Variants in TMEM91 observed in about 807,000 individuals in gnomAD.
The protein encoded by TMEM91 is dispanin subfamily C member 3.
A neutral mutation model predicts 13.3 loss-of-function variants in TMEM91; 6 were observed. The observed-to-expected ratio is 0.45, with a 90% CI of 0.25 to 0.89. The LOEUF (loss-of-function observed/expected upper bound fraction) is 0.89, where lower values mean the gene tolerates loss of function less well. TMEM91 is among the 40% of genes least tolerant of loss of function. The pLI, the probability that TMEM91 is intolerant of heterozygous loss-of-function variation, is 0.19. For missense variants in TMEM91, 193 were observed against 228.7 expected (o/e 0.84, Z 1.01); for synonymous variants, 87 against 101.7 (o/e 0.86, Z 0.87).
chr19:41,367,115 TG>T (rs1478302573), intron 1 of TMEM91, among the ~76,000 whole-genome samples: 3 of 151,856 alleles, frequency 2.0e-5, no homozygotes, highest in Non-Finnish European at 2.9e-5. Flanking sequence ...CACTTCAGCC[TG>T]GGCGACAGAG....
intron 2 of TMEM91, among the ~76,000 whole-genome samples, chr19:41,379,451 T>C (rs2038818704): frequency 6.7e-6 from 1 of 150,186 alleles, no homozygotes; most frequent in Non-Finnish European, 1.5e-5. Context: ...GGAGGATCGC[T>C]TGAGCCCAGG....
At chr19:41,373,006 A>G (rs761123116), upstream of TMEM91, among the ~76,000 whole-genome samples, 1 of 151,960 alleles carries the variant, frequency 6.6e-6, no homozygotes. Flanking sequence ...TGGCACAATC[A>G]TGGCTCACTG....
At chr19:41,381,239 G>T (rs1397229434) in intron 2 of TMEM91, among the ~76,000 whole-genome samples, 1 of 151,946 alleles carries the variant, frequency 6.6e-6, no homozygotes, top group East Asian at 1.9e-4. Flanking sequence ...TGCTCAGGCT[G>T]GGGGGCAGAC....
intron 1 of TMEM91, among the ~76,000 whole-genome samples, chr19:41,364,325 C>A (rs1049688875): frequency 6.6e-6 from 1 of 152,190 alleles, no homozygotes; most frequent in Non-Finnish European, 1.5e-5. Flanking sequence ...TTGGGCGTGG[C>A]TAGGAAGCTG....
chr19:41,383,807 C>T lies in TMEM91; in HGVS notation c.453C>T (p.Gly151=), dbSNP rs565098119. 1.9e-5 allele frequency: 30 copies of T among 1,611,454 alleles called. No homozygotes were observed. In the East Asian group the frequency reaches 4.3e-4, roughly 23 times the overall value. Residue 151 remains glycine, a synonymous_variant, in exon 4 of 4, where the codon GGC becomes GGT. Coordinates refer to ENST00000392002, the MANE Select transcript of TMEM91 (RefSeq NM_001098821.2). The stretch of plus-strand genomic sequence containing the variant: ...TGGGGGTCCTCGCCGTCGGGCTGGG[C>T]GTGTGCACGTATGCGGCTGCCCTGG... ...FLLGVLAVGL[G]VCTYAAALVT...
At chr19:41,377,646 G>A (rs1288405201) in intron 1 of TMEM91, among the ~76,000 whole-genome samples, 1 of 151,942 alleles carries the variant, frequency 6.6e-6, no homozygotes, top group Non-Finnish European at 1.5e-5. Context: ...AAGTGTGTAA[G>A]GCATGGTGCA....
At chr19:41,364,888 G>C (rs1168292851) in intron 1 of TMEM91, among the ~76,000 whole-genome samples, 1 of 151,370 alleles carries the variant, frequency 6.6e-6, no homozygotes, top group Non-Finnish European at 1.5e-5. Context: ...TCCCATCAAG[G>C]CTCCTTAAAA....
chr19:41,378,655 T>C, intron 2 of TMEM91, 136 bp downstream of exon 2: 1 of 839,454 alleles, frequency 1.2e-6, no homozygotes, highest in Non-Finnish European at 1.8e-6. Context: ...GTGTGTGGGC[T>C]TCTGAGATTT....
At chr19:41,380,742 CTACTAAAGAAA>C (rs904352965) in intron 2 of TMEM91, among the ~76,000 whole-genome samples, 26 of 152,018 alleles carry the variant, frequency 1.7e-4, no homozygotes, top group African/African-American at 6.3e-4. Context: ...AACCCAGTTT[CTACTAAAGAAA>C]AAATACAAAA....
At chr19:41,381,399 C>T (rs1264284164) in intron 2 of TMEM91, among the ~76,000 whole-genome samples, 2 of 139,618 alleles carry the variant, frequency 1.4e-5, no homozygotes, top group Non-Finnish European at 3.1e-5. Context: ...CTCACTCTGT[C>T]GCCCAGGCTG....
chr19:41,379,246 C>T (rs2317131), intron 2 of TMEM91, among the ~76,000 whole-genome samples: 85,899 of 147,220 alleles, frequency 0.58, 25,258 homozygotes, highest in Middle Eastern at 0.62. Flanking sequence ...TTTGAGAAGG[C>T]GAGGCAGGAG....
chr19:41,382,632 C>A, intron 2 of TMEM91, 140 bp from the exon 3 acceptor site: 1 of 1,202,706 alleles, frequency 8.3e-7, no homozygotes, highest in Non-Finnish European at 1.2e-6. Flanking sequence ...ACCGAAAGCC[C>A]ATCTCTGAAC....
At chr19:41,376,062 G>A (rs1170645316), upstream of TMEM91, among the ~76,000 whole-genome samples, 1 of 152,160 alleles carries the variant, frequency 6.6e-6, no homozygotes, top group South Asian at 2.1e-4. Context: ...GGAGGTTGCG[G>A]TGAGCCGAGA....
chr19:41,365,786 C>T (rs1048678912), intron 1 of TMEM91, among the ~76,000 whole-genome samples: 1 of 149,400 alleles, frequency 6.7e-6, no homozygotes, highest in Non-Finnish European at 1.5e-5. Context: ...TCTCTGCTCA[C>T]CACAACCTCC....
At chr19:41,366,421 A>G (rs2038528698) in intron 1 of TMEM91, among the ~76,000 whole-genome samples, 1 of 151,930 alleles carries the variant, frequency 6.6e-6, no homozygotes, top group Non-Finnish European at 1.5e-5. Context: ...TATCACCTGG[A>G]CTATGACAGG....
intron 2 of TMEM91, among the ~76,000 whole-genome samples, chr19:41,380,506 G>GCCACA (rs2038853846): frequency 1.3e-5 from 2 of 152,130 alleles, no homozygotes; most frequent in Non-Finnish European, 2.9e-5. Flanking sequence ...CGGGCGCTGT[G>GCCACA]GCTCATGCCT....
intron 2 of TMEM91, 60 bp from the exon 3 acceptor site, chr19:41,382,712 A>G (rs2038918753): frequency 6.3e-7 from 1 of 1,577,380 alleles, no homozygotes; most frequent in Admixed American, 1.8e-5. Flanking sequence ...TATGGAGAGC[A>G]GAGCAATGGG....
intron 3 of TMEM91, chr19:41,383,490 TTTTA>T (rs1297624862): frequency 1.8e-5 from 25 of 1,423,336 alleles, no homozygotes; most frequent in African/African-American, 1.4e-4. Flanking sequence ...ATTTTAATGT[TTTTA>T]TTTATTTTTT....
At chr19:41,375,620 A>AGCCAACACCCC (rs1163676943), upstream of TMEM91, among the ~76,000 whole-genome samples, 2 of 151,036 alleles carry the variant, frequency 1.3e-5, no homozygotes, top group Non-Finnish European at 2.9e-5. Context: ...ATTAAAAACA[A>AGCCAACACCCC]GCCAACACCC....
Sources: gnomAD v4.1 joint callset for allele counts (sites outside exome capture counted in the v4.1 genomes callset) on GRCh38, gnomAD v4.1.1 for gene constraint, MANE v1.5 for transcripts, NCBI Gene and HGNC (gene_info 2026-07-23, HGNC 2026-07-21) for gene names.